AFF1: variants seen among roughly 807,000 people sequenced by gnomAD.
AFF1 encodes the protein ALF transcription elongation factor 1, also known as AF4/FMR2 family member 1.
In AFF1, 48 loss-of-function variants were observed where a neutral mutation model predicts 121.7. The ratio of observed to expected loss-of-function variants is 0.39; its 90% CI spans 0.31 to 0.50. AFF1 has a LOEUF of 0.50. Among genes scored for constraint, AFF1 ranks in the 20% least tolerant of loss-of-function variants. The probability of loss-of-function intolerance (pLI) is 0.76; values close to 1 mark genes in which losing one functional copy is unlikely to be tolerated. For synonymous variants in AFF1, 613 were observed against 563.0 expected (o/e 1.09, Z -1.26); for missense variants, 1,523 against 1,511.7 (o/e 1.01, Z -0.12).
In AFF1 at chr4:87,138,031, T is replaced by G. The variant is rs918732570; in HGVS notation, c.*2330T>G. 4.4e-6 allele frequency: 1 copy of G among 228,582 alleles called. No individual in the cohort carries two copies. Among genetic ancestry groups the G allele is most frequent in the Non-Finnish European group, 8.6e-6 (1 of 116,058 alleles). 14.2% of individuals were successfully genotyped at this position (228,582 alleles called of 1,614,324 possible). On this transcript the variant is annotated 3_prime_UTR_variant, in exon 21 of 21. Coordinates refer to ENST00000395146, the MANE Select transcript of AFF1 (RefSeq NM_001166693.3). ...TCAGTGGCCTTACTCTTTGTGGGTTTTTTTTTTTTTCTCTGAACTTGATAT... is the reference window on the plus strand; with the variant it reads ...TCAGTGGCCTTACTCTTTGTGGGTTGTTTTTTTTTTCTCTGAACTTGATAT...
chr4:87,120,565 T>G lies in AFF1; in HGVS notation c.2467-4472T>G, dbSNP rs546692551. On this transcript the variant is annotated intron_variant, in intron 12 of 20. Transcript: ENST00000395146. ...CCCGTGAGCTTTCCTCTTTTTCACA[T>G]GTGTTTTCTCCGTACAAGTGTCTGT... Among the ~76,000 whole-genome samples, 5 of 152,348 alleles carry G rather than the reference T, an allele frequency of 3.3e-5. No individual in the cohort carries two copies. In the South Asian group the frequency reaches 1.0e-3, roughly 32 times the overall value.
At chr4:86,954,772 A>C (rs1205077643) in intron 2 of AFF1, among the ~76,000 whole-genome samples, 1 of 152,138 alleles carries the variant, frequency 6.6e-6, no homozygotes. Context: ...CATTAAGTGG[A>C]AGTGGATCAT....
At chr4:87,047,911 A>G in intron 4 of AFF1, 1 of 345,012 alleles carries the variant, frequency 2.9e-6, no homozygotes, top group Non-Finnish European at 5.5e-6. Flanking sequence ...TATAGGATCC[A>G]AAACCCAATC....
At chr4:86,947,550 G>C (rs1720953808) in intron 1 of AFF1, among the ~76,000 whole-genome samples, 1 of 152,156 alleles carries the variant, frequency 6.6e-6, no homozygotes, top group African/African-American at 2.4e-5. Flanking sequence ...AGATAATTTA[G>C]TAACATACCT....
chr4:87,087,627 C>T (rs1723866021), intron 5 of AFF1, among the ~76,000 whole-genome samples: 1 of 152,132 alleles, frequency 6.6e-6, no homozygotes, highest in African/African-American at 2.4e-5. Context: ...AATAATGGCC[C>T]CAGTTCTCTT....
intron 2 of AFF1, among the ~76,000 whole-genome samples, chr4:86,962,286 G>C (rs1170233828): frequency 6.6e-6 from 1 of 151,498 alleles, no homozygotes; most frequent in East Asian, 1.9e-4. Context: ...GAGAGAGTTT[G>C]CTTTGAAATC....
At chr4:87,100,644 G>T (rs1274964360) in intron 8 of AFF1, among the ~76,000 whole-genome samples, 13 of 152,146 alleles carry the variant, frequency 8.5e-5, no homozygotes, top group Non-Finnish European at 1.9e-4. Flanking sequence ...GCTCAGAGTT[G>T]TAGCCATAGG....
Position 87,125,131 on chromosome 4 carries a change from C to A in AFF1, c.2561C>A (p.Ser854Tyr). Residue 854 changes from serine to tyrosine, a missense_variant, in exon 13 of 21, where the codon TCT (serine) becomes TAT (tyrosine). Coordinates refer to ENST00000395146, the MANE Select transcript of AFF1 (RefSeq NM_001166693.3). ...SSSSSSSHKE[S>Y]SKTKPSRPSS... ...TCATCTTCATCCTCCCACAAAGAAT[C>A]TTCTAAAACAAAGTGAGTATAGAGA... 6.2e-7 allele frequency: 1 copy of A among 1,609,308 alleles called. No homozygotes were observed. The highest frequency in any genetic ancestry group is 8.5e-7 in the Non-Finnish European group (1 of 1,177,268).
intron 4 of AFF1, among the ~76,000 whole-genome samples, chr4:87,061,572 A>G (rs1720791598): frequency 6.6e-6 from 1 of 152,134 alleles, no homozygotes; most frequent in Non-Finnish European, 1.5e-5. Flanking sequence ...TGAAATCTGG[A>G]TTTTATTTTT....
At chr4:86,935,584 TTGGGACC>T (rs1014272840) in intron 1 of AFF1, 33 of 152,416 alleles carry the variant, frequency 2.2e-4, no homozygotes, top group African/African-American at 7.9e-4. Flanking sequence ...TGTCCCGTTG[TTGGGACC>T]TGCTACTTGA....
intron 1 of AFF1, 131 bp from the exon 2 acceptor site, chr4:86,948,367 T>C (rs1473821980): frequency 1.7e-6 from 1 of 589,188 alleles, no homozygotes; most frequent in Non-Finnish European, 2.9e-6. Context: ...AACTTGGGAA[T>C]TGGAGAACCA....
intron 4 of AFF1, among the ~76,000 whole-genome samples, chr4:87,081,914 A>G (rs983260757): frequency 5.9e-5 from 9 of 152,072 alleles, no homozygotes; most frequent in African/African-American, 1.2e-4. Flanking sequence ...ACTCTTGGGG[A>G]AAAAAAACAT....
At chr4:86,979,561 T>C (rs1723569389) in intron 2 of AFF1, among the ~76,000 whole-genome samples, 2 of 152,218 alleles carry the variant, frequency 1.3e-5, no homozygotes, top group South Asian at 4.1e-4. Context: ...TTTTTATCTT[T>C]GTGAAAATTT....
chr4:87,063,228 C>CTTTT (rs569577993), intron 4 of AFF1, among the ~76,000 whole-genome samples: 965 of 44,402 alleles, frequency 0.022, 273 homozygotes, highest in South Asian at 0.031. Flanking sequence ...AGATTCACCT[C>CTTTT]TTTTTTTTTT....
intron 2 of AFF1, among the ~76,000 whole-genome samples, chr4:87,014,633 A>G (rs1006954150): frequency 3.4e-4 from 52 of 152,358 alleles, no homozygotes; most frequent in African/African-American, 1.2e-3. Flanking sequence ...TCAATAAAAT[A>G]TGAAGCACAA....
chr4:87,130,949 T>C (rs1728770936), intron 16 of AFF1, 134 bp from the exon 17 acceptor site: 9 of 1,194,014 alleles, frequency 7.5e-6, no homozygotes, highest in Non-Finnish European at 9.4e-6. Context: ...CATTTTTAGT[T>C]CATTCATCCT....
intron 11 of AFF1, among the ~76,000 whole-genome samples, chr4:87,110,657 A>C (rs1269699439): frequency 6.6e-6 from 1 of 152,134 alleles, no homozygotes; most frequent in African/African-American, 2.4e-5. Context: ...TTTTGCACTC[A>C]TATTCCCCAT....
At chr4:87,023,126 C>G (rs1373959903) in intron 2 of AFF1, among the ~76,000 whole-genome samples, 3 of 151,974 alleles carry the variant, frequency 2.0e-5, no homozygotes, top group Non-Finnish European at 2.9e-5. Context: ...TCAGGCTGGT[C>G]TTGAACTCAG....
chr4:86,965,307 A>G (rs1002703655), intron 2 of AFF1, among the ~76,000 whole-genome samples: 7 of 152,214 alleles, frequency 4.6e-5, no homozygotes, highest in South Asian at 2.1e-4. Flanking sequence ...CTTAGAGCCA[A>G]TGGTGCCTAC....
Sources: allele counts gnomAD v4.1 joint callset (sites outside exome capture counted in the v4.1 genomes callset), GRCh38; gene constraint gnomAD v4.1.1; transcripts MANE v1.5; gene names NCBI Gene and HGNC (gene_info 2026-07-23, HGNC 2026-07-21).